FAP: variants seen among roughly 807,000 people sequenced by gnomAD.
FAP encodes the protein prolyl endopeptidase FAP.
In FAP, 110 loss-of-function variants were observed where a neutral mutation model predicts 126.5. The observed-to-expected ratio is 0.87, with a 90% confidence interval of 0.74 to 1.02. The LOEUF (loss-of-function observed/expected upper bound fraction) is 1.02, where lower values mean the gene tolerates loss of function less well. Among genes scored for constraint, FAP ranks in the 50% least tolerant of loss-of-function variants. The pLI, the probability that FAP is intolerant of heterozygous loss-of-function variation, is 0.00. For synonymous variants in FAP, 334 were observed against 297.3 expected (o/e 1.12, Z -1.27); for missense variants, 919 against 909.2 (o/e 1.01, Z -0.14).
chr2:162,181,740 C>G (rs1344823873), intron 21 of FAP, among the ~76,000 whole-genome samples: 1 of 152,206 alleles, frequency 6.6e-6, no homozygotes, highest in African/African-American at 2.4e-5. Context: ...AGGGCCAGGA[C>G]TACGACTTAC....
chr2:162,183,543 T>A, intron 20 of FAP, 75 bp from the exon 21 acceptor site: 8 of 837,288 alleles, frequency 9.6e-6, no homozygotes, highest in Non-Finnish European at 1.6e-5. Context: ...CAACCATATT[T>A]AATCCAAAGA....
chr2:162,219,393 A>G (rs1402081009), intron 7 of FAP, among the ~76,000 whole-genome samples: 1 of 152,178 alleles, frequency 6.6e-6, no homozygotes, highest in Non-Finnish European at 1.5e-5. Context: ...ATAAAAAATA[A>G]AGCCTATTAT....
chr2:162,217,937 C>T (rs767126231), intron 9 of FAP, 49 bp downstream of exon 9: 7 of 1,443,908 alleles, frequency 4.8e-6, no homozygotes, highest in South Asian at 1.4e-5. Context: ...AATCATTGCT[C>T]ATTTTGATAC....
intron 20 of FAP, among the ~76,000 whole-genome samples, chr2:162,186,421 C>G (rs1687869863): frequency 6.6e-6 from 1 of 152,010 alleles, no homozygotes; most frequent in Non-Finnish European, 1.5e-5. Context: ...GGCTTTGTGT[C>G]CTGTATGTTG....
chr2:162,239,904 G>A (rs1401915017), intron 2 of FAP, among the ~76,000 whole-genome samples: 1 of 152,140 alleles, frequency 6.6e-6, no homozygotes, highest in Non-Finnish European at 1.5e-5. Flanking sequence ...GCAAAATTCT[G>A]CAACCTCTGT....
At position 162,200,468 on chromosome 2, in the gene FAP, G is replaced by A. The variant is rs180992498; in HGVS notation, c.1277+98C>T. ...AATTCATAAATGATTTTTATTATGTGCCATACTTTAAAAATATTTTGCATC... is the reference window on the plus strand; with the variant it reads ...AATTCATAAATGATTTTTATTATGTACCATACTTTAAAAATATTTTGCATC... On this transcript the variant is annotated intron_variant, in intron 15 of 25. Transcript: ENST00000188790. 471 of 670,960 alleles carry A rather than the reference G, an allele frequency of 7.0e-4. 5 individuals are homozygous for A. In the East Asian group the frequency reaches 0.013, roughly 19 times the overall value. The allele number at this position is 670,960 out of a possible 1,614,324, so 41.6% of individuals were successfully genotyped here.
intron 15 of FAP, among the ~76,000 whole-genome samples, chr2:162,199,318 G>A (rs1688397864): frequency 6.6e-6 from 1 of 152,164 alleles, no homozygotes; most frequent in Non-Finnish European, 1.5e-5. Flanking sequence ...CATATATCAG[G>A]ATGGGGAAAT....
chr2:162,173,306 C>A, intron 23 of FAP, 85 bp from the exon 24 acceptor site: 1 of 931,182 alleles, frequency 1.1e-6, no homozygotes, highest in African/African-American at 1.6e-5. Flanking sequence ...GGACTTAGCA[C>A]CAATACTGAA....
chr2:162,199,134 T>C (rs1397749532), intron 15 of FAP, among the ~76,000 whole-genome samples: 1 of 152,206 alleles, frequency 6.6e-6, no homozygotes, highest in Non-Finnish European at 1.5e-5. Flanking sequence ...GAGAAATATC[T>C]AACACCTCAA....
At position 162,207,049 on chromosome 2, in the gene FAP, TC is replaced by T. The variant is rs1688728880; in HGVS notation, c.1047+2902del. 2.0e-5 allele frequency among the ~76,000 whole-genome samples: 3 copies of T among 152,338 alleles called. No homozygotes were observed. In the South Asian group the frequency reaches 6.2e-4, roughly 32 times the overall value. ...TAATACGACTAGCTTGTATACTTTATCTAAAGACCCTATAAATGTTACTTGA... is the reference window on the plus strand; with the variant it reads ...TAATACGACTAGCTTGTATACTTTATTAAAGACCCTATAAATGTTACTTGA... On this transcript the variant is annotated intron_variant, in intron 12 of 25. Coordinates refer to ENST00000188790, the MANE Select transcript of FAP (RefSeq NM_004460.5).
In FAP at chr2:162,189,046, A is replaced by G. The variant is rs369158545; in HGVS notation, c.1619+57T>C. The G allele has an allele frequency of 6.1e-5, 67 of 1,101,146 alleles. 1 individual carries two copies. The East Asian group carries it at 1.0e-3, about 17-fold the overall frequency. 68.2% of individuals were successfully genotyped at this position (1,101,146 alleles called of 1,614,324 possible). ...GGTTCATTCTATTTCATAAATGTGT[A>G]TTTCATCTAACATATTTTCAGTAAA... On this transcript the variant is annotated intron_variant, in intron 19 of 25. Transcript: ENST00000188790.
intron 6 of FAP, 118 bp from the exon 7 acceptor site, chr2:162,220,043 A>G (rs1689325369): frequency 1.5e-6 from 1 of 687,066 alleles, no homozygotes; most frequent in Non-Finnish European, 2.5e-6. Flanking sequence ...TTCCCTCTGC[A>G]CCCACAAACC....
At chr2:162,197,625 G>A (rs184062288) in intron 16 of FAP, 5 of 456,526 alleles carry the variant, frequency 1.1e-5, no homozygotes, top group East Asian at 6.9e-5. Flanking sequence ...TCATGTCCAC[G>A]TAGTCAAATG....
At chr2:162,211,417 G>GTTA (rs1688928943) in intron 11 of FAP, among the ~76,000 whole-genome samples, 1 of 152,128 alleles carries the variant, frequency 6.6e-6, no homozygotes, top group Non-Finnish European at 1.5e-5. Context: ...TTATGTTGTT[G>GTTA]TTATAGCAGT....
chr2:162,219,004 T>A, intron 8 of FAP, 59 bp downstream of exon 8: 1 of 1,359,598 alleles, frequency 7.4e-7, no homozygotes. Context: ...ACTAAATATA[T>A]GAAATTATTT....
intron 9 of FAP, 22 bp from the exon 10 acceptor site, chr2:162,216,023 A>C: frequency 6.5e-7 from 1 of 1,544,256 alleles, no homozygotes; most frequent in Non-Finnish European, 8.9e-7. Flanking sequence ...ATTGAGATAT[A>C]TAAGCTCATA....
chr2:162,229,859 C>CA (rs1345708411), intron 2 of FAP, among the ~76,000 whole-genome samples: 6 of 152,030 alleles, frequency 3.9e-5, no homozygotes, highest in African/African-American at 1.2e-4. Context: ...GCATATGACT[C>CA]AAAAAATCTG....
chr2:162,191,510 C>T (rs1020103420), intron 17 of FAP, among the ~76,000 whole-genome samples: 6 of 151,972 alleles, frequency 3.9e-5, no homozygotes, highest in African/African-American at 9.7e-5. Flanking sequence ...TTTCTTTCTC[C>T]CATCACCGTA....
In FAP at chr2:162,215,917, G is replaced by A. The variant is rs1434177084; in HGVS notation, c.847C>T (p.Pro283Ser). 23 of 1,613,310 alleles carry A rather than the reference G, an allele frequency of 1.4e-5. No individual in the cohort carries two copies. Among genetic ancestry groups the A allele is most frequent in the Non-Finnish European group, 1.9e-5 (22 of 1,179,408 alleles). ...AACTACCTTGAGGCTATCATTGCTG[G>A]AACAGGCACTTCCTGGGGACCTACA... ...AYVGPQEVPV[P>S]AMIASSDYYF... is the part of the protein sequence containing the mutation. The change falls in exon 10 of 26, where the codon CCA (proline) becomes TCA (serine). Residue 283 changes from proline (P) to serine (S), a missense_variant. Coordinates refer to ENST00000188790, the MANE Select transcript of FAP (RefSeq NM_004460.5).
Sources: gnomAD v4.1 joint callset for allele counts (sites outside exome capture counted in the v4.1 genomes callset) on GRCh38, gnomAD v4.1.1 for gene constraint, MANE v1.5 for transcripts, NCBI Gene and HGNC (gene_info 2026-07-23, HGNC 2026-07-21) for gene names.